The following CTNNA2 variants were observed in gnomAD, a reference collection of about 807,000 sequenced individuals.
CTNNA2 encodes catenin alpha 2.
CTNNA2 carries 42 observed loss-of-function variants against 101.0 expected under a neutral mutation model. The ratio of observed to expected loss-of-function variants is 0.42; its 90% CI spans 0.32 to 0.54. CTNNA2 has a LOEUF of 0.54. Among genes scored for constraint, CTNNA2 ranks in the 20% least tolerant of loss-of-function variants. The probability of loss-of-function intolerance (pLI) is 0.14; values close to 1 mark genes in which losing one functional copy is unlikely to be tolerated. For synonymous variants in CTNNA2, 450 were observed against 456.4 expected (o/e 0.99, Z 0.18); for missense variants, 871 against 1,223.1 (o/e 0.71, Z 4.29).
In CTNNA2 at chr2:80,274,101, A is replaced by G. The variant is rs117591205; in HGVS notation, c.1057-119110A>G. Among the ~76,000 whole-genome samples the G allele has an allele frequency of 6.4e-4, 97 of 152,300 alleles. No individual in the cohort carries two copies. The East Asian group carries it at 0.016, about 25-fold the overall frequency. On this transcript the variant is annotated intron_variant, in intron 7 of 18. Transcript: ENST00000402739. ...CACTTATTTGGAAATAGCAGTCTTA[A>G]AAGAATGGACATAGGACAGGGTAGC...
At chr2:80,383,608 A>G (rs1046358125) in intron 7 of CTNNA2, among the ~76,000 whole-genome samples, 1 of 152,144 alleles carries the variant, frequency 6.6e-6, no homozygotes, top group Non-Finnish European at 1.5e-5. Context: ...CAACCTGGCT[A>G]GGTGAATTGT....
chr2:79,653,882 C>T (rs149698092), intron 2 of CTNNA2, among the ~76,000 whole-genome samples: 3 of 152,136 alleles, frequency 2.0e-5, no homozygotes, highest in East Asian at 1.9e-4. Flanking sequence ...TGTAGGAATC[C>T]GTCCAGCTGA....
intron 7 of CTNNA2, among the ~76,000 whole-genome samples, chr2:80,148,172 C>T (rs796637631): frequency 5.9e-5 from 9 of 152,294 alleles, no homozygotes; most frequent in African/African-American, 2.2e-4. Context: ...TTGGTAGAAT[C>T]TGTCTCTCTT....
chr2:79,927,040 G>A (rs1052450830), intron 7 of CTNNA2, among the ~76,000 whole-genome samples: 1 of 152,086 alleles, frequency 6.6e-6, no homozygotes. Context: ...ATACTTTGGG[G>A]CTAGGGATGA....
chr2:80,435,158 G>C (rs1449482302), intron 9 of CTNNA2, among the ~76,000 whole-genome samples: 1 of 152,120 alleles, frequency 6.6e-6, no homozygotes, highest in Non-Finnish European at 1.5e-5. Flanking sequence ...TTTCCTGGGG[G>C]ACAAAATCAT....
intron 7 of CTNNA2, among the ~76,000 whole-genome samples, chr2:79,982,228 A>AT (rs1691351931): frequency 1.0e-5 from 1 of 99,692 alleles, no homozygotes; most frequent in African/African-American, 4.7e-5. Context: ...ATATATATAT[A>AT]TATATATATA....
intron 7 of CTNNA2, among the ~76,000 whole-genome samples, chr2:80,222,136 A>G (rs2149056375): frequency 6.6e-6 from 1 of 152,264 alleles, no homozygotes; most frequent in Non-Finnish European, 1.5e-5. Context: ...GTGAGATAGG[A>G]GTCAGGATGA....
At chr2:80,262,861 T>C (rs908272988) in intron 7 of CTNNA2, among the ~76,000 whole-genome samples, 12 of 152,142 alleles carry the variant, frequency 7.9e-5, no homozygotes, top group African/African-American at 2.7e-4. Context: ...ATCAGGACCC[T>C]TTCAAAATTT....
At chr2:80,339,157 T>C (rs1672006559) in intron 7 of CTNNA2, among the ~76,000 whole-genome samples, 1 of 152,110 alleles carries the variant, frequency 6.6e-6, no homozygotes, top group Non-Finnish European at 1.5e-5. Flanking sequence ...AACAAACCAC[T>C]TTCACTAATA....
chr2:79,689,532 A>C (rs1480225712), intron 2 of CTNNA2, among the ~76,000 whole-genome samples: 2 of 152,018 alleles, frequency 1.3e-5, no homozygotes, highest in South Asian at 4.1e-4. Flanking sequence ...TATCATCCAT[A>C]ACTTTCTGTA....
At chr2:80,184,316 A>G (rs966739989) in intron 7 of CTNNA2, among the ~76,000 whole-genome samples, 1 of 152,174 alleles carries the variant, frequency 6.6e-6, no homozygotes, top group African/African-American at 2.4e-5. Context: ...ATACATTTAT[A>G]TATTCATTAA....
chr2:79,848,850 T>G (rs1052502071), intron 3 of CTNNA2, among the ~76,000 whole-genome samples: 2 of 152,104 alleles, frequency 1.3e-5, no homozygotes, highest in Non-Finnish European at 2.9e-5. Context: ...GTGGCTATAG[T>G]GGGATTTTGT....
At chr2:79,455,694 C>T (rs531328986) in intron 4 of CTNNA2, among the ~76,000 whole-genome samples, 1 of 152,114 alleles carries the variant, frequency 6.6e-6, no homozygotes, top group African/African-American at 2.4e-5. Flanking sequence ...AAGAAATAGT[C>T]GTATAAATAT....
chr2:80,480,260 A>G (rs1342237920), intron 9 of CTNNA2, among the ~76,000 whole-genome samples: 2 of 152,120 alleles, frequency 1.3e-5, no homozygotes, highest in African/African-American at 4.8e-5. Flanking sequence ...AATGCTTTTC[A>G]TCTACCAGAG....
chr2:80,147,901 G>A (rs781577595), intron 7 of CTNNA2, among the ~76,000 whole-genome samples: 52 of 152,246 alleles, frequency 3.4e-4, no homozygotes, highest in Non-Finnish European at 6.8e-4. Context: ...CTTTTAGAGC[G>A]GATGTACAGG....
chr2:80,473,440 T>G (rs145356895), intron 9 of CTNNA2, among the ~76,000 whole-genome samples: 189 of 152,320 alleles, frequency 1.2e-3, no homozygotes, highest in African/African-American at 4.3e-3. Flanking sequence ...GATTTAGAGT[T>G]TCTACTTGGT....
rs953872158 is a variant in CTNNA2 at position 80,281,018 on chromosome 2, A to G, written c.1057-112193A>G. On this transcript the variant is annotated intron_variant, in intron 7 of 18. Coordinates refer to ENST00000402739, the MANE Select transcript of CTNNA2 (RefSeq NM_001282597.3). ...TTTTCCCCCTCGGTTTATTTTTGAA[A>G]TGCTGCAGGGAAACGCCATCATTTC... Among the ~76,000 whole-genome samples the G allele has an allele frequency of 3.3e-5, 5 of 152,216 alleles. No homozygotes were observed. In the South Asian group the frequency reaches 1.0e-3, roughly 32 times the overall value.
intron 3 of CTNNA2, among the ~76,000 whole-genome samples, chr2:79,336,230 G>T (rs1676991860): frequency 6.6e-6 from 1 of 152,162 alleles, no homozygotes. Flanking sequence ...ACTGCACTGG[G>T]ATTCTTCCAA....
intron 7 of CTNNA2, among the ~76,000 whole-genome samples, chr2:80,212,664 C>G (rs1015097219): frequency 7.9e-5 from 12 of 152,072 alleles, no homozygotes; most frequent in Non-Finnish European, 1.5e-4. Flanking sequence ...ATCAGGGATA[C>G]TAGTCTAAAA....
Sources: allele counts gnomAD v4.1 joint callset (sites outside exome capture counted in the v4.1 genomes callset), GRCh38; gene constraint gnomAD v4.1.1; transcripts MANE v1.5; gene names NCBI Gene and HGNC (gene_info 2026-07-23, HGNC 2026-07-21).